Variants in CPNE8 observed in about 807,000 individuals in gnomAD.
The protein encoded by CPNE8 is copine 8.
CPNE8 carries 45 observed loss-of-function variants against 81.5 expected under a neutral mutation model. The ratio of observed to expected loss-of-function variants is 0.55; its 90% CI spans 0.44 to 0.71. The LOEUF is 0.71. Among genes scored for constraint, CPNE8 ranks in the 30% least tolerant of loss-of-function variants. The pLI, the probability that CPNE8 is intolerant of heterozygous loss-of-function variation, is 0.00. For synonymous variants in CPNE8, 252 were observed against 226.3 expected (o/e 1.11, Z -1.02); for missense variants, 594 against 672.1 (o/e 0.88, Z 1.28).
intron 14 of CPNE8, among the ~76,000 whole-genome samples, chr12:38,694,779 C>T (rs917219962): frequency 6.6e-6 from 1 of 152,118 alleles, no homozygotes; most frequent in African/African-American, 2.4e-5. Flanking sequence ...TTAAATGAGA[C>T]TTGTAGCAGC....
Position 38,803,562 on chromosome 12 carries a change from G to A in CPNE8, c.407+25817C>T, listed in dbSNP as rs1318226623. Among the ~76,000 whole-genome samples, 9 of 134,432 alleles carry A rather than the reference G, an allele frequency of 6.7e-5. No homozygotes were observed. In the South Asian group the frequency reaches 1.4e-3, roughly 21 times the overall value. 88.2% of individuals were successfully genotyped at this position (134,432 alleles called of 152,430 possible). A position where few individuals can be genotyped will look rare whatever the true frequency, so the allele number is the denominator to read the frequency against. On this transcript the variant is annotated intron_variant, in intron 6 of 19. Transcript: ENST00000331366. Reference sequence around the variant, plus strand: ...CCACAGCCAATATCATACTGAATGGGCAAAAACTGGAAGCATTCCCTTTGA... The same window carrying A: ...CCACAGCCAATATCATACTGAATGGACAAAAACTGGAAGCATTCCCTTTGA...
chr12:38,785,211 C>T (rs1275706103), intron 6 of CPNE8, among the ~76,000 whole-genome samples: 3 of 150,596 alleles, frequency 2.0e-5, no homozygotes, highest in Non-Finnish European at 4.4e-5. Context: ...AAAAAGGACC[C>T]ATTAAGGAGC....
intron 10 of CPNE8, among the ~76,000 whole-genome samples, chr12:38,744,711 C>T (rs1941187938): frequency 6.6e-6 from 1 of 152,062 alleles, no homozygotes; most frequent in African/African-American, 2.4e-5. Context: ...AACTTCTATT[C>T]ATTTATCAAC....
intron 6 of CPNE8, among the ~76,000 whole-genome samples, chr12:38,796,026 C>T (rs746621822): frequency 4.6e-5 from 7 of 152,080 alleles, no homozygotes; most frequent in Non-Finnish European, 8.8e-5. Context: ...TTTGAGAGGC[C>T]GAGGCAGGCA....
intron 13 of CPNE8, among the ~76,000 whole-genome samples, chr12:38,713,823 C>T (rs941661345): frequency 2.0e-5 from 3 of 146,510 alleles, no homozygotes; most frequent in Admixed American, 6.6e-5. Flanking sequence ...GAGAGTTTGG[C>T]CTTTTTTCAA....
intron 7 of CPNE8, among the ~76,000 whole-genome samples, chr12:38,771,568 A>AGG (rs1941804209): frequency 6.6e-6 from 1 of 152,212 alleles, no homozygotes; most frequent in African/African-American, 2.4e-5. Context: ...CATTTGAATA[A>AGG]AACTGTATCA....
intron 6 of CPNE8, among the ~76,000 whole-genome samples, chr12:38,823,963 G>A (rs576911375): frequency 9.3e-4 from 141 of 152,232 alleles, no homozygotes; most frequent in African/African-American, 3.3e-3. Flanking sequence ...GTCATAGGAA[G>A]CACAGTAAAT....
chr12:38,778,892 T>C (rs1369899513), intron 6 of CPNE8, among the ~76,000 whole-genome samples: 1 of 152,188 alleles, frequency 6.6e-6, no homozygotes, highest in African/African-American at 2.4e-5. Flanking sequence ...ACCATGTATT[T>C]ACTCTTAACC....
chr12:38,797,231 G>T (rs1413871150), intron 6 of CPNE8, among the ~76,000 whole-genome samples: 5 of 152,150 alleles, frequency 3.3e-5, no homozygotes, highest in African/African-American at 1.2e-4. Context: ...TCTGAGAACG[G>T]GCAGACTGCC....
intron 11 of CPNE8, among the ~76,000 whole-genome samples, chr12:38,727,812 GC>G (rs1940738905): frequency 6.6e-6 from 1 of 152,102 alleles, no homozygotes; most frequent in East Asian, 1.9e-4. Context: ...AGAAGCCCAT[GC>G]CCTTTGAAGG....
chr12:38,742,402 C>T (rs1941128035), intron 10 of CPNE8, among the ~76,000 whole-genome samples: 1 of 151,914 alleles, frequency 6.6e-6, no homozygotes, highest in Admixed American at 6.6e-5. Flanking sequence ...AGCTGGAAAC[C>T]ATCATTCTCA....
intron 6 of CPNE8, among the ~76,000 whole-genome samples, chr12:38,798,229 C>A (rs1331168700): frequency 6.6e-6 from 1 of 152,052 alleles, no homozygotes; most frequent in African/African-American, 2.4e-5. Context: ...AGAAGAGCAA[C>A]TCCAAGACAC....
chr12:38,718,407 A>G (rs1940463191), intron 13 of CPNE8, among the ~76,000 whole-genome samples: 1 of 152,230 alleles, frequency 6.6e-6, no homozygotes, highest in South Asian at 2.1e-4. Flanking sequence ...AAGTTCTGAA[A>G]GGTCTGTTTC....
At chr12:38,739,934 T>G (rs1360035553) in intron 10 of CPNE8, among the ~76,000 whole-genome samples, 16 of 152,166 alleles carry the variant, frequency 1.1e-4, no homozygotes. Context: ...TGATAGACTC[T>G]TTCTACATAT....
intron 6 of CPNE8, among the ~76,000 whole-genome samples, chr12:38,795,359 A>T (rs1280982996): frequency 1.3e-5 from 2 of 152,244 alleles, no homozygotes. Context: ...TATGATCCGC[A>T]ATCCCACTTC....
chr12:38,694,764 G>T (rs1939756814), intron 14 of CPNE8, among the ~76,000 whole-genome samples: 1 of 152,138 alleles, frequency 6.6e-6, no homozygotes, highest in Admixed American at 6.5e-5. Flanking sequence ...AATAAAAATG[G>T]AAAGTTAAAT....
chr12:38,659,619 T>A (rs1004057930), intron 19 of CPNE8, among the ~76,000 whole-genome samples: 1 of 152,192 alleles, frequency 6.6e-6, no homozygotes. Context: ...ACATCGCACG[T>A]ATTCCAAAAT....
At chr12:38,759,751 T>C (rs1941536962) in intron 10 of CPNE8, among the ~76,000 whole-genome samples, 1 of 152,194 alleles carries the variant, frequency 6.6e-6, no homozygotes. Context: ...AAAAAAATAC[T>C]ATTTGCATCA....
chr12:38,654,213 C>T (rs1938768156), intron 19 of CPNE8, 143 bp from the exon 20 acceptor site: 3 of 1,186,014 alleles, frequency 2.5e-6, no homozygotes, highest in Non-Finnish European at 3.3e-6. Flanking sequence ...AATTATTATA[C>T]ATTTTTAAAA....
Sources: gnomAD v4.1 joint callset for allele counts (sites outside exome capture counted in the v4.1 genomes callset) on GRCh38, gnomAD v4.1.1 for gene constraint, MANE v1.5 for transcripts, NCBI Gene and HGNC (gene_info 2026-07-23, HGNC 2026-07-21) for gene names.